RABGGTB: variants seen among roughly 807,000 people sequenced by gnomAD.
RABGGTB encodes the protein geranylgeranyl transferase type-2 subunit beta.
A neutral mutation model predicts 44.5 loss-of-function variants in RABGGTB; 20 were observed. The observed-to-expected ratio is 0.45, with a 90% CI of 0.32 to 0.65. The LOEUF is 0.65. Ranked by LOEUF, RABGGTB falls within the 30% of genes least tolerant of loss-of-function variation. The pLI, the probability that RABGGTB is intolerant of heterozygous loss-of-function variation, is 0.05. For synonymous variants in RABGGTB, 128 were observed against 136.7 expected (o/e 0.94, Z 0.44); for missense variants, 302 against 398.7 (o/e 0.76, Z 2.06).
At position 75,792,299 on chromosome 1, in the gene RABGGTB, C is replaced by T. The variant is rs138598204; in HGVS notation, c.698C>T (p.Pro233Leu). The stretch of plus-strand genomic sequence containing the variant: ...CCCTCAGGCGGGCTCAATGGAAGGC[C>T]GGAGAAGGTATTGTTTGATAAGCCA... ...QLPSGGLNGR[P>L]EKLPDVCYSW... Residue 233 changes from proline (P) to leucine (L), a missense_variant, in exon 7 of 9, where the codon CCG (proline) becomes CTG (leucine). Physicochemically the swap from Pro to Leu is moderately conservative, Grantham distance 98. This residue lies in a region of RABGGTB where 213 missense variants were observed against 323.7 expected (regional missense o/e 0.66). Coordinates refer to ENST00000319942, the MANE Select transcript of RABGGTB (RefSeq NM_004582.4). 162 of 1,613,588 alleles carry T rather than the reference C, an allele frequency of 1.0e-4. 1 individual carries two copies. The highest frequency in any genetic ancestry group is 2.2e-4 in the Admixed American group (13 of 59,998).
intron 7 of RABGGTB, among the ~76,000 whole-genome samples, chr1:75,792,979 AATTTTTGT>A (rs1649683634): frequency 6.6e-6 from 1 of 151,944 alleles, no homozygotes; most frequent in Non-Finnish European, 1.5e-5. Flanking sequence ...GCGCACGGCT[AATTTTTGT>A]ATTTTTATTA....
At chr1:75,787,031 A>G in intron 1 of RABGGTB, 1 of 509,156 alleles carries the variant, frequency 2.0e-6, no homozygotes, top group South Asian at 1.4e-5. Context: ...ATCTTTTTGA[A>G]TGAAAAGTGA....
intron 1 of RABGGTB, chr1:75,787,040 G>C (rs1649507666): frequency 1.9e-6 from 1 of 513,510 alleles, no homozygotes; most frequent in African/African-American, 1.9e-5. Context: ...AATGAAAAGT[G>C]AACAACAAGA....
chr1:75,794,732 G>C lies in RABGGTB; in HGVS notation c.*82G>C. On this transcript the variant is annotated 3_prime_UTR_variant, in exon 9 of 9. Transcript: ENST00000319942. ...TGAAGTGCTTATCGAATCTAAAAGT[G>C]ACTACTGTTAATATTTTGTATATTG... 1 of 1,139,692 alleles carries C rather than the reference G, an allele frequency of 8.8e-7. No homozygotes were observed. The highest frequency in any genetic ancestry group is 1.2e-6 in the Non-Finnish European group (1 of 846,558). 70.6% of individuals were successfully genotyped at this position (1,139,692 alleles called of 1,614,324 possible).
chr1:75,790,337 T>A, intron 4 of RABGGTB: 3 of 1,212,690 alleles, frequency 2.5e-6, no homozygotes, highest in Non-Finnish European at 3.0e-6. Context: ...AACTACTTGC[T>A]GGAAAGGGAA....
intron 1 of RABGGTB, 143 bp from the exon 2 acceptor site, chr1:75,787,354 G>T: frequency 3.0e-6 from 2 of 658,232 alleles, no homozygotes; most frequent in Non-Finnish European, 5.2e-6. Flanking sequence ...AGCCTCCCTA[G>T]TTAGTTACAA....
chr1:75,786,572 C>T (rs966270346), intron 1 of RABGGTB: 89 of 401,172 alleles, frequency 2.2e-4, no homozygotes, highest in Non-Finnish European at 3.1e-4. Flanking sequence ...TTTTTTTTTT[C>T]TTGGAGAGGG....
At chr1:75,792,147 A>G (rs759868668) in intron 6 of RABGGTB, 34 bp from the exon 7 acceptor site, 1 of 1,552,748 alleles carries the variant, frequency 6.4e-7, no homozygotes, top group Admixed American at 1.7e-5. Flanking sequence ...TCAAGAAATT[A>G]TTATACACAT....
At chr1:75,789,873 C>A in intron 3 of RABGGTB, 79 bp from the exon 4 acceptor site, 1 of 1,066,730 alleles carries the variant, frequency 9.4e-7, no homozygotes, top group East Asian at 2.4e-5. Flanking sequence ...ATGTGCTTGA[C>A]AACTTAAAAA....
intron 8 of RABGGTB, 81 bp downstream of exon 8, chr1:75,794,314 C>T: frequency 6.8e-7 from 1 of 1,473,364 alleles, no homozygotes. Context: ...TCCAGGGTGG[C>T]ATTCCGAGTG....
chr1:75,790,567 G>T, intron 4 of RABGGTB: 1 of 802,180 alleles, frequency 1.2e-6, no homozygotes, highest in Non-Finnish European at 1.5e-6. Flanking sequence ...GGTTCTATTA[G>T]TTTTCTTCTC....
chr1:75,790,073 G>C lies in RABGGTB; in HGVS notation c.415+16G>C, dbSNP rs1557480851. The C allele has an allele frequency of 6.2e-7, 1 of 1,611,170 alleles. No individual in the cohort carries two copies. The highest frequency in any genetic ancestry group is 8.5e-7 in the Non-Finnish European group (1 of 1,178,198). ...GATATTTGGGGTAATGTCAGATTTAGTCCATTCTACCCAAAATACCAATAT... is the reference window on the plus strand; with the variant it reads ...GATATTTGGGGTAATGTCAGATTTACTCCATTCTACCCAAAATACCAATAT... On this transcript the variant is annotated intron_variant, in intron 4 of 8. Transcript: ENST00000319942.
intron 1 of RABGGTB, 100 bp from the exon 2 acceptor site, chr1:75,787,397 G>T (rs928601289): frequency 8.0e-6 from 7 of 880,384 alleles, no homozygotes; most frequent in Non-Finnish European, 1.3e-5. Context: ...ATTACAAGAT[G>T]AAATCAAGTG....
Position 75,794,141 on chromosome 1 carries a change from C to T in RABGGTB, c.763C>T (p.Leu255Phe). Residue 255 changes from leucine to phenylalanine, a missense_variant, in exon 8 of 9, where the codon CTT (leucine) becomes TTT (phenylalanine). Coordinates refer to ENST00000319942, the MANE Select transcript of RABGGTB (RefSeq NM_004582.4). ...VLASLKIIGR[L>F]HWIDREKLRN... ...GGCTTCCCTAAAGATAATTGGAAGA[C>T]TTCATTGGATTGATAGAGAGAAACT... 6.2e-7 allele frequency: 1 copy of T among 1,613,752 alleles called. No homozygotes were observed. The highest frequency in any genetic ancestry group is 1.3e-5 in the African/African-American group (1 of 74,990).
At chr1:75,786,377 A>C (rs1649476892) in intron 1 of RABGGTB, 103 bp downstream of exon 1, 1 of 1,501,298 alleles carries the variant, frequency 6.7e-7, no homozygotes, top group East Asian at 2.3e-5. Context: ...CTGGTGCTGG[A>C]GAATGGTTAG....
At chr1:75,791,814 TTTTG>T in intron 6 of RABGGTB, 1 of 455,644 alleles carries the variant, frequency 2.2e-6, no homozygotes, top group Non-Finnish European at 3.8e-6. Context: ...ACCAAAACAC[TTTTG>T]TTTTCCATTA....
intron 2 of RABGGTB, 93 bp downstream of exon 2, chr1:75,787,697 C>A: frequency 1.0e-6 from 1 of 976,252 alleles, no homozygotes; most frequent in South Asian, 1.4e-5. Flanking sequence ...AAATGGCATC[C>A]AACTCCATGC....
At position 75,791,547 on chromosome 1, in the gene RABGGTB, AG is replaced by A. The variant is rs759748133; in HGVS notation, c.557del (p.Gly186ValfsTer25). The A allele has an allele frequency of 1.2e-6, 2 of 1,612,352 alleles. No homozygotes were observed. The highest frequency in any genetic ancestry group is 1.7e-6 in the Non-Finnish European group (2 of 1,179,732). On this transcript the variant is annotated frameshift_variant, in exon 6 of 9. Transcript: ENST00000319942. LOFTEE classifies it high-confidence loss of function. ...TTGACGGTGGATTTGGTTGCAGACC[AG>A]GTTCTGAATCCCATGCTGGGCAGGT... ...NFDGGFGCRP[G>X]SESHAGQIYC...
intron 2 of RABGGTB, chr1:75,788,087 C>T (rs1247463186): frequency 1.4e-5 from 5 of 353,852 alleles, no homozygotes; most frequent in Admixed American, 7.2e-5. Context: ...TATCCAAACT[C>T]AGTTGTCTTA....
Sources: allele counts gnomAD v4.1 joint callset (sites outside exome capture counted in the v4.1 genomes callset), GRCh38; gene constraint gnomAD v4.1.1; regional missense constraint gnomAD v4.1.1; transcripts MANE v1.5; gene names NCBI Gene and HGNC (gene_info 2026-07-23, HGNC 2026-07-21).